Variants in PEAK1 observed in about 807,000 individuals in gnomAD.
PEAK1 encodes the protein pseudopodium enriched atypical kinase 1, also known as inactive tyrosine-protein kinase PEAK1.
PEAK1 carries 54 observed loss-of-function variants against 124.7 expected under a neutral mutation model. The observed-to-expected ratio is 0.43, with a 90% CI of 0.35 to 0.54. The LOEUF (loss-of-function observed/expected upper bound fraction) is 0.54, where lower values mean the gene tolerates loss of function less well. Among genes scored for constraint, PEAK1 ranks in the 20% least tolerant of loss-of-function variants. PEAK1 has a pLI of 0.01. For synonymous variants in PEAK1, 719 were observed against 760.0 expected, an observed-to-expected ratio of 0.95 and a Z score of 0.89; for missense variants, 2,046 against 2,134.5, an observed-to-expected ratio of 0.96 and a Z score of 0.82.
chr15:77,242,752 T>C (rs1421490634), intron 6 of PEAK1, among the ~76,000 whole-genome samples: 2 of 152,200 alleles, frequency 1.3e-5, no homozygotes, highest in Non-Finnish European at 2.9e-5. Context: ...GTTCAAGCTA[T>C]GGAAAATTTT....
At chr15:77,333,276 T>A (rs781682153) in intron 2 of PEAK1, 1 of 951,676 alleles carries the variant, frequency 1.1e-6, no homozygotes, top group Non-Finnish European at 1.3e-6. Context: ...CGAGCCACTG[T>A]GCCGGATTCA....
Position 77,392,397 on chromosome 15 carries a change from T to C in PEAK1, c.-665-27172A>G, listed in dbSNP as rs1273172451. Among the ~76,000 whole-genome samples the C allele has an allele frequency of 2.6e-5, 4 of 152,188 alleles. No individual in the cohort carries two copies. The East Asian group carries it at 5.8e-4, about 22-fold the overall frequency. Reference sequence around the variant, plus strand: ...AGTAAAATATAGCAAGAGAACAAAATAACTCAAATTTTGATAATATATCAA... The same window carrying C: ...AGTAAAATATAGCAAGAGAACAAAACAACTCAAATTTTGATAATATATCAA... On this transcript the variant is annotated intron_variant, in intron 1 of 9. Transcript: ENST00000682557.
chr15:77,317,271 A>T (rs891064209), intron 2 of PEAK1, among the ~76,000 whole-genome samples: 14 of 152,156 alleles, frequency 9.2e-5, no homozygotes, highest in Admixed American at 2.6e-4. Flanking sequence ...TTCAATTTTT[A>T]TTAAGTATGC....
At chr15:77,158,199 C>G in intron 8 of PEAK1, 1 of 277,026 alleles carries the variant, frequency 3.6e-6, no homozygotes, top group South Asian at 6.8e-5. Context: ...ATGTGTATAT[C>G]TCTATCACTG....
chr15:77,393,086 G>T (rs957924322), intron 1 of PEAK1, among the ~76,000 whole-genome samples: 2 of 152,202 alleles, frequency 1.3e-5, no homozygotes, highest in Non-Finnish European at 2.9e-5. Context: ...AGCAGCCCTA[G>T]CCAGAGGAGA....
intron 9 of PEAK1, among the ~76,000 whole-genome samples, chr15:77,116,008 T>C (rs2051336622): frequency 6.6e-6 from 1 of 152,208 alleles, no homozygotes; most frequent in African/African-American, 2.4e-5. Flanking sequence ...ATGCTTTCTC[T>C]TAACAGGCCT....
exon 7 of PEAK1, chr15:77,100,836 G>A (rs2050688121): frequency 6.6e-6 from 1 of 152,194 alleles, no homozygotes; most frequent in African/African-American, 2.4e-5. Context: ...CAATTAAAAT[G>A]TTTCCACAAA....
At chr15:77,267,367 C>T (rs2061792279) in intron 5 of PEAK1, among the ~76,000 whole-genome samples, 3 of 152,064 alleles carry the variant, frequency 2.0e-5, no homozygotes, top group African/African-American at 7.2e-5. Flanking sequence ...AGCTATTATG[C>T]TCTTGAAAGC....
At chr15:77,283,784 A>G (rs2062788459) in intron 5 of PEAK1, 99 bp downstream of exon 5, 2 of 432,190 alleles carry the variant, frequency 4.6e-6, no homozygotes, top group Middle Eastern at 1.2e-3. Flanking sequence ...TGATAAACAC[A>G]AGGATATTAA....
At chr15:77,316,752 C>G (rs987573746) in intron 2 of PEAK1, among the ~76,000 whole-genome samples, 1 of 152,024 alleles carries the variant, frequency 6.6e-6, no homozygotes, top group Non-Finnish European at 1.5e-5. Flanking sequence ...TATATGTATA[C>G]CTATGGAAAA....
intron 2 of PEAK1, among the ~76,000 whole-genome samples, chr15:77,291,043 T>C (rs2063185694): frequency 6.6e-6 from 1 of 152,218 alleles, no homozygotes; most frequent in Admixed American, 6.5e-5. Flanking sequence ...AACAGATATA[T>C]GCTAACAAGC....
At chr15:77,213,348 G>T (rs558606968) in intron 6 of PEAK1, among the ~76,000 whole-genome samples, 1 of 152,118 alleles carries the variant, frequency 6.6e-6, no homozygotes, top group African/African-American at 2.4e-5. Context: ...AGTTCTGGGA[G>T]TTCAGAGATC....
chr15:77,385,879 A>G (rs2069885255), intron 1 of PEAK1, among the ~76,000 whole-genome samples: 1 of 152,208 alleles, frequency 6.6e-6, no homozygotes, highest in South Asian at 2.1e-4. Context: ...AGGGCAGAAT[A>G]TATGAAGAAG....
chr15:77,263,802 CA>C (rs907407038), intron 5 of PEAK1, among the ~76,000 whole-genome samples: 2 of 151,482 alleles, frequency 1.3e-5, no homozygotes, highest in Non-Finnish European at 2.9e-5. Context: ...GACACAACAA[CA>C]AAAAAAAGAA....
chr15:77,226,063 A>ATATATATATATATG (rs2059646891), intron 6 of PEAK1, among the ~76,000 whole-genome samples: 1 of 123,448 alleles, frequency 8.1e-6, no homozygotes, highest in Non-Finnish European at 1.8e-5. Context: ...ATATATATAT[A>ATATATATATATATG]TATATATATA....
At chr15:77,349,431 T>G (rs2067076838) in intron 2 of PEAK1, 1 of 981,106 alleles carries the variant, frequency 1.0e-6, no homozygotes, top group South Asian at 4.7e-5. Context: ...CATAAAAATG[T>G]TCATAATAGG....
chr15:77,350,204 T>C (rs1458208132), intron 2 of PEAK1: 2 of 985,312 alleles, frequency 2.0e-6, no homozygotes, highest in Admixed American at 1.2e-4. Flanking sequence ...TGTTGTTGGG[T>C]AGGTGAGAAC....
intron 2 of PEAK1, among the ~76,000 whole-genome samples, chr15:77,343,925 T>C (rs2066707719): frequency 6.6e-6 from 1 of 152,212 alleles, no homozygotes; most frequent in African/African-American, 2.4e-5. Context: ...TTGGGTTAGT[T>C]TTCTGTATGT....
At chr15:77,420,768 C>A, upstream of PEAK1, 1 of 398,286 alleles carries the variant, frequency 2.5e-6, no homozygotes. Context: ...TTTTTCTTCT[C>A]ACCGGAGCAA....
Sources: gnomAD v4.1 joint callset for allele counts (sites outside exome capture counted in the v4.1 genomes callset) on GRCh38, gnomAD v4.1.1 for gene constraint, MANE v1.5 for transcripts, NCBI Gene and HGNC (gene_info 2026-07-23, HGNC 2026-07-21) for gene names.